SLC2A14: variants seen among roughly 807,000 people sequenced by gnomAD.
SLC2A14 encodes the protein solute carrier family 2, facilitated glucose transporter member 14.
A neutral mutation model predicts 43.0 loss-of-function variants in SLC2A14; 13 were observed. The observed-to-expected ratio is 0.30, with a 90% confidence interval of 0.20 to 0.48. The LOEUF (loss-of-function observed/expected upper bound fraction) is 0.48, where lower values mean the gene tolerates loss of function less well. Ranked by LOEUF, SLC2A14 falls within the 20% of genes least tolerant of loss-of-function variation. The pLI, the probability that SLC2A14 is intolerant of heterozygous loss-of-function variation, is 0.99. For missense variants in SLC2A14, 428 were observed against 620.4 expected (o/e 0.69, Z 3.29); for synonymous variants, 190 against 233.8 (o/e 0.81, Z 1.71).
intron 2 of SLC2A14, among the ~76,000 whole-genome samples, chr12:7,838,247 C>T (rs1865623786): frequency 6.6e-6 from 1 of 151,910 alleles, no homozygotes; most frequent in South Asian, 2.1e-4. Context: ...GCCACCATGC[C>T]TGGTTAATTT....
chr12:7,835,314 G>A (rs775098235), intron 2 of SLC2A14, among the ~76,000 whole-genome samples: 1 of 152,252 alleles, frequency 6.6e-6, no homozygotes, highest in South Asian at 2.1e-4. Flanking sequence ...TTGAAACTGG[G>A]AGGCAGAGGT....
chr12:7,858,007 C>T (rs922937379), intron 2 of SLC2A14, among the ~76,000 whole-genome samples: 2 of 152,046 alleles, frequency 1.3e-5, no homozygotes, highest in Admixed American at 6.6e-5. Context: ...GTGGCTTGCA[C>T]CTTTAATCCC....
chr12:7,858,397 C>T (rs1481639874), intron 2 of SLC2A14, among the ~76,000 whole-genome samples: 1 of 152,168 alleles, frequency 6.6e-6, no homozygotes, highest in Non-Finnish European at 1.5e-5. Context: ...ATTCTAGATA[C>T]AAGCCCCTTA....
upstream of SLC2A14, chr12:7,873,325 A>T: frequency 2.0e-6 from 2 of 985,484 alleles, no homozygotes; most frequent in Non-Finnish European, 2.4e-6. Context: ...TGGGCTGGGA[A>T]GGCCCAGGGC....
At chr12:7,836,343 C>T (rs370784278) in intron 2 of SLC2A14, among the ~76,000 whole-genome samples, 26 of 152,114 alleles carry the variant, frequency 1.7e-4, no homozygotes, top group African/African-American at 5.3e-4. Flanking sequence ...GCCTCAGCCT[C>T]CTGAGTAGCT....
At chr12:7,864,366 G>A (rs1944793111) in intron 2 of SLC2A14, among the ~76,000 whole-genome samples, 2 of 152,018 alleles carry the variant, frequency 1.3e-5, no homozygotes, top group African/African-American at 2.4e-5. Context: ...TTGAGATGGA[G>A]TCTCGCTCTG....
At chr12:7,819,368 C>T in intron 9 of SLC2A14, 114 bp downstream of exon 9, 2 of 1,533,662 alleles carry the variant, frequency 1.3e-6, no homozygotes, top group South Asian at 2.4e-5. Flanking sequence ...TTGCTTCTCT[C>T]CTCTGACTTT....
chr12:7,883,630 C>T (rs1945634060), intron 1 of SLC2A14, among the ~76,000 whole-genome samples: 1 of 115,124 alleles, frequency 8.7e-6, no homozygotes, highest in African/African-American at 3.5e-5. Flanking sequence ...GGGTCTCTCT[C>T]TGTCACCAGG....
chr12:7,815,389 G>A (rs984598259), intron 10 of SLC2A14, among the ~76,000 whole-genome samples: 5 of 151,952 alleles, frequency 3.3e-5, no homozygotes, highest in Admixed American at 6.6e-5. Context: ...GCATTCCACC[G>A]TGGGCAACAA....
intron 7 of SLC2A14, among the ~76,000 whole-genome samples, chr12:7,823,533 C>T (rs1290336476): frequency 6.6e-6 from 1 of 151,972 alleles, no homozygotes; most frequent in Non-Finnish European, 1.5e-5. Context: ...ACCACCCTGA[C>T]AACATGGAGA....
upstream of SLC2A14, among the ~76,000 whole-genome samples, chr12:7,873,732 G>A (rs1212213661): frequency 1.3e-5 from 2 of 152,008 alleles, no homozygotes; most frequent in African/African-American, 4.8e-5. Context: ...CCCCGCGGTC[G>A]TTCTCTCCAC....
intron 2 of SLC2A14, among the ~76,000 whole-genome samples, chr12:7,864,887 TCTC>T (rs1000317632): frequency 5.9e-5 from 9 of 152,100 alleles, no homozygotes; most frequent in African/African-American, 2.2e-4. Flanking sequence ...TTTCTTCAGA[TCTC>T]CTCATGGCCG....
At chr12:7,874,079 T>C (rs7313357), upstream of SLC2A14, among the ~76,000 whole-genome samples, 129,663 of 152,076 alleles carry the variant, frequency 0.85, 55,585 homozygotes, top group South Asian at 0.95. Context: ...ACATTAAAAC[T>C]ACATGAGATA....
intron 1 of SLC2A14, among the ~76,000 whole-genome samples, chr12:7,879,046 A>G (rs1330014846): frequency 6.6e-6 from 1 of 151,012 alleles, no homozygotes; most frequent in East Asian, 1.9e-4. Flanking sequence ...TACTCTAGAA[A>G]GTAGGGGTGT....
chr12:7,857,828 T>C (rs1222076927), intron 2 of SLC2A14, among the ~76,000 whole-genome samples: 1 of 151,808 alleles, frequency 6.6e-6, no homozygotes, highest in Non-Finnish European at 1.5e-5. Flanking sequence ...GCCTGGCCCA[T>C]ATGGTCCTTT....
intron 2 of SLC2A14, among the ~76,000 whole-genome samples, chr12:7,834,070 T>A (rs1190409937): frequency 6.6e-6 from 1 of 152,134 alleles, no homozygotes; most frequent in East Asian, 1.9e-4. Flanking sequence ...GATGTCTCAG[T>A]CACAACTAAG....
At chr12:7,842,267 T>G (rs1263993191) in intron 2 of SLC2A14, among the ~76,000 whole-genome samples, 1 of 152,206 alleles carries the variant, frequency 6.6e-6, no homozygotes, top group East Asian at 1.9e-4. Flanking sequence ...GCACCACAGT[T>G]TATCCCTTCA....
chr12:7,815,417 A>G (rs1391231172), intron 10 of SLC2A14, among the ~76,000 whole-genome samples: 2 of 152,156 alleles, frequency 1.3e-5, no homozygotes, highest in African/African-American at 2.4e-5. Flanking sequence ...CTCCGTCTCA[A>G]ATAATAAAAA....
intron 4 of SLC2A14, among the ~76,000 whole-genome samples, chr12:7,831,059 G>A (rs1864975638): frequency 6.7e-6 from 1 of 150,304 alleles, no homozygotes; most frequent in South Asian, 2.1e-4. Flanking sequence ...GGGAGGCAGA[G>A]GTTGCAGTGA....
Sources: allele counts gnomAD v4.1 joint callset (sites outside exome capture counted in the v4.1 genomes callset), GRCh38; gene constraint gnomAD v4.1.1; transcripts MANE v1.5; gene names NCBI Gene and HGNC (gene_info 2026-07-23, HGNC 2026-07-21).